Variants in MYO1H observed in about 807,000 individuals in gnomAD.
MYO1H encodes myosin IH.
In MYO1H, 118 loss-of-function variants were observed where a neutral mutation model predicts 149.3. That is an observed-to-expected ratio of 0.79 (90% confidence interval 0.68 to 0.92). The LOEUF (loss-of-function observed/expected upper bound fraction) is 0.92, where lower values mean the gene tolerates loss of function less well. Among genes scored for constraint, MYO1H ranks in the 40% least tolerant of loss-of-function variants. MYO1H has a pLI of 0.00. For missense variants in MYO1H, 1,212 were observed against 1,280.7 expected (o/e 0.95, Z 0.82); for synonymous variants, 447 against 465.2 (o/e 0.96, Z 0.50).
chr12:109,407,988 T>C, intron 10 of MYO1H, 75 bp downstream of exon 10: 1 of 1,598,560 alleles, frequency 6.3e-7, no homozygotes, highest in African/African-American at 1.3e-5. Flanking sequence ...CTTTAAAGAA[T>C]TTGGGAGGGA....
At chr12:109,418,369 G>A (rs1871019449) in intron 15 of MYO1H, among the ~76,000 whole-genome samples, 1 of 150,922 alleles carries the variant, frequency 6.6e-6, no homozygotes, top group Non-Finnish European at 1.5e-5. Flanking sequence ...TTTCTTTTGA[G>A]ACAAGGTCTT....
At chr12:109,369,698 G>T (rs1017879101) in intron 1 of MYO1H, among the ~76,000 whole-genome samples, 1 of 152,190 alleles carries the variant, frequency 6.6e-6, no homozygotes, top group South Asian at 2.1e-4. Context: ...GCAAATTGAT[G>T]TCTTTGCCTA....
upstream of MYO1H, among the ~76,000 whole-genome samples, chr12:109,345,514 T>A (rs1371869136): frequency 6.6e-6 from 1 of 152,122 alleles, no homozygotes; most frequent in African/African-American, 2.4e-5. Context: ...TTGGTGGGAA[T>A]GTAAAATGAT....
At chr12:109,415,670 T>G (rs1430392677) in intron 15 of MYO1H, 50 bp downstream of exon 15, 26 of 1,364,362 alleles carry the variant, frequency 1.9e-5, no homozygotes, top group Admixed American at 4.4e-5. Flanking sequence ...CCCAGCCTGG[T>G]GTCTTACAAT....
chr12:109,410,483 T>C, intron 12 of MYO1H, among the ~76,000 whole-genome samples: 1 of 152,212 alleles, frequency 6.6e-6, no homozygotes, highest in East Asian at 1.9e-4. Context: ...TTGGAGATAT[T>C]CCTGATTAGT....
Position 109,439,807 on chromosome 12 carries a change from G to A in MYO1H, c.2454+17G>A, listed in dbSNP as rs376142108. The A allele has an allele frequency of 8.7e-5, 140 of 1,610,776 alleles. No individual in the cohort carries two copies. The highest frequency in any genetic ancestry group is 2.8e-4 in the Admixed American group (17 of 59,918). On this transcript the variant is annotated intron_variant, in intron 24 of 31. Coordinates refer to ENST00000310903, the Ensembl canonical transcript of MYO1H. Reference sequence around the variant, plus strand: ...TTGGAAAATGTAAGGACTAATCTGGGATTTCCAGTGTTGTAAGTAGCACGG... The same window carrying A: ...TTGGAAAATGTAAGGACTAATCTGGAATTTCCAGTGTTGTAAGTAGCACGG...
At chr12:109,376,801 A>T (rs1235281194) in intron 1 of MYO1H, among the ~76,000 whole-genome samples, 8 of 152,218 alleles carry the variant, frequency 5.3e-5, no homozygotes, top group Admixed American at 5.2e-4. Context: ...AATTTCACAA[A>T]AATTTCAGAA....
chr12:109,368,640 T>TAAAAAAA (rs56146617), intron 1 of MYO1H, among the ~76,000 whole-genome samples: 16 of 113,200 alleles, frequency 1.4e-4, no homozygotes, highest in African/African-American at 2.6e-4. Context: ...GACTCCATCT[T>TAAAAAAA]AAAAAAAAAA....
chr12:109,358,316 T>C (rs1868655704), intron 1 of MYO1H, among the ~76,000 whole-genome samples: 2 of 152,078 alleles, frequency 1.3e-5, no homozygotes, highest in Admixed American at 1.3e-4. Flanking sequence ...TTTTTAAGCC[T>C]TAGACATAAG....
chr12:109,361,897 C>A (rs1868762052), intron 1 of MYO1H, among the ~76,000 whole-genome samples: 1 of 144,934 alleles, frequency 6.9e-6, no homozygotes, highest in Non-Finnish European at 1.5e-5. Context: ...TTACATAGAA[C>A]AAGATGAAGG....
chr12:109,369,778 A>T (rs1480731199), intron 1 of MYO1H, among the ~76,000 whole-genome samples: 2 of 152,214 alleles, frequency 1.3e-5, no homozygotes, highest in Non-Finnish European at 2.9e-5. Flanking sequence ...TGACAAAATG[A>T]GTTAAGCCTC....
chr12:109,412,054 G>C, intron 14 of MYO1H, 69 bp downstream of exon 14: 1 of 1,104,028 alleles, frequency 9.1e-7, no homozygotes, highest in Non-Finnish European at 1.3e-6. Flanking sequence ...TTTAGTATTT[G>C]GATAATGTTC....
chr12:109,419,705 A>G (rs1351366578), intron 15 of MYO1H, among the ~76,000 whole-genome samples: 2 of 151,680 alleles, frequency 1.3e-5, no homozygotes. Flanking sequence ...GCACCACCAC[A>G]CGCAGCTAAG....
intron 31 of MYO1H, 140 bp downstream of exon 31, chr12:109,445,752 A>C (rs183623459): frequency 8.6e-5 from 117 of 1,367,182 alleles, no homozygotes; most frequent in Non-Finnish European, 1.1e-4. Flanking sequence ...CTAATTCTAC[A>C]TCTGTAAGAC....
At chr12:109,435,144 T>A (rs753879929) in intron 21 of MYO1H, 31 bp downstream of exon 21, 1 of 1,426,316 alleles carries the variant, frequency 7.0e-7, no homozygotes, top group Admixed American at 1.8e-5. Context: ...CCGATTTCAA[T>A]AGAATATGAA....
At chr12:109,312,317 A>G in the MYO1H span, among the ~76,000 whole-genome samples, 1 of 152,084 alleles carries the variant, frequency 6.6e-6, no homozygotes, top group Non-Finnish European at 1.5e-5. Context: ...GGTTCACGCC[A>G]TTCTCCTGCC....
In MYO1H at chr12:109,401,142, G is replaced by A. The variant is rs548221505; in HGVS notation, c.620G>A (p.Arg207Gln). 2.2e-5 allele frequency: 35 copies of A among 1,613,918 alleles called. No individual in the cohort carries two copies. Among genetic ancestry groups the A allele is most frequent in the South Asian group, 2.0e-4 (18 of 91,086 alleles). ...ATCAGTTACTTGATAGAGAAGTCCC[G>A]AGTTGTCTACCAAAACGAAGGCGAG... The change falls in exon 6 of 32, where the codon CGA (arginine) becomes CAA (glutamine). Residue 207 changes from arginine to glutamine, a missense_variant. Coordinates refer to ENST00000310903, the Ensembl canonical transcript of MYO1H.
chr12:109,416,523 G>C (rs1870919429), intron 15 of MYO1H, among the ~76,000 whole-genome samples: 1 of 152,024 alleles, frequency 6.6e-6, no homozygotes, highest in Admixed American at 6.6e-5. Context: ...CCATGATGTG[G>C]ATATGCCACA....
chr12:109,339,113 C>G, the MYO1H span, among the ~76,000 whole-genome samples: 1 of 151,968 alleles, frequency 6.6e-6, no homozygotes, highest in East Asian at 1.9e-4. Context: ...GCCTGTAATC[C>G]CAGCACTTTG....
Sources: gnomAD v4.1 joint callset for allele counts (sites outside exome capture counted in the v4.1 genomes callset) on GRCh38, gnomAD v4.1.1 for gene constraint, MANE v1.5 for transcripts, NCBI Gene and HGNC (gene_info 2026-07-23, HGNC 2026-07-21) for gene names.